Variants in SLC35A3 observed in about 807,000 individuals in gnomAD.
SLC35A3 encodes solute carrier family 35 member A3.
A neutral mutation model predicts 39.0 loss-of-function variants in SLC35A3; 26 were observed. That is an observed-to-expected ratio of 0.67 (90% CI 0.49 to 0.92). The LOEUF (loss-of-function observed/expected upper bound fraction) is 0.92, where lower values mean the gene tolerates loss of function less well. SLC35A3 is among the 40% of genes least tolerant of loss of function. The pLI is 0.00. For synonymous variants in SLC35A3, 135 were observed against 133.1 expected, an observed-to-expected ratio of 1.01 and a Z score of -0.10; for missense variants, 299 against 371.6, an observed-to-expected ratio of 0.80 and a Z score of 1.61.
chr1:100,019,866 C>T (rs528991028), intron 7 of SLC35A3, among the ~76,000 whole-genome samples: 84 of 152,300 alleles, frequency 5.5e-4, no homozygotes, highest in Middle Eastern at 3.4e-3. Flanking sequence ...CTGTTACCCA[C>T]TTCCCTAAAT....
chr1:99,998,592 T>C (rs1242336148), intron 2 of SLC35A3, among the ~76,000 whole-genome samples: 1 of 152,188 alleles, frequency 6.6e-6, no homozygotes, highest in East Asian at 1.9e-4. Context: ...TGCAACTTGC[T>C]TGGTGCAGGG....
chr1:99,974,519 G>A (rs1413888954), intron 1 of SLC35A3, among the ~76,000 whole-genome samples: 3 of 152,124 alleles, frequency 2.0e-5, no homozygotes, highest in Non-Finnish European at 4.4e-5. Context: ...TTGTAGAGAT[G>A]AAGTCTTATT....
chr1:99,979,966 C>G (rs1412906600), intron 1 of SLC35A3, among the ~76,000 whole-genome samples: 1 of 151,814 alleles, frequency 6.6e-6, no homozygotes, highest in Non-Finnish European at 1.5e-5. Context: ...ATCGCTTGAA[C>G]CCAGGAGGCA....
Position 100,011,369 on chromosome 1 carries a change from C to T in SLC35A3, c.470C>T (p.Pro157Leu), listed in dbSNP as rs890225731. The change falls in exon 5 of 8, where the codon CCC becomes CTC. Residue 157 changes from proline (P) to leucine (L), a missense_variant. Transcript: ENST00000533028. ...TTTATTTTTCTTCTTATTTAGTGGC[C>T]CTCAGATTCTCAGCTTGATTCTAAG... ...LMTGVAFVQW[P>L]SDSQLDSKEL... The T allele has an allele frequency of 8.1e-6, 12 of 1,482,886 alleles. No individual in the cohort carries two copies. The highest frequency in any genetic ancestry group is 2.8e-5 in the South Asian group (2 of 71,490). 91.9% of individuals were successfully genotyped at this position (1,482,886 alleles called of 1,614,324 possible).
Position 99,993,528 on chromosome 1 carries a change from G to T in SLC35A3, c.-18-9G>T. 6.2e-7 allele frequency: 1 copy of T among 1,609,236 alleles called. No homozygotes were observed. Among genetic ancestry groups the T allele is most frequent in the Non-Finnish European group, 8.5e-7 (1 of 1,177,242 alleles). ...CTTATTTATTTGCCCTGTTTATTTT[G>T]TTTTTCAGGCAAATGAAGATAAAAC... is the stretch of plus-strand genomic sequence containing the variant. On this transcript the variant is annotated splice_polypyrimidine_tract_variant and intron_variant, in intron 1 of 7. Coordinates refer to ENST00000533028, the MANE Select transcript of SLC35A3 (RefSeq NM_012243.3).
chr1:99,975,693 G>A (rs1045785999), intron 1 of SLC35A3, among the ~76,000 whole-genome samples: 8 of 152,168 alleles, frequency 5.3e-5, no homozygotes, highest in African/African-American at 1.7e-4. Flanking sequence ...TGTAGGTTGG[G>A]ACCAGATTAT....
chr1:99,971,738 G>C (rs1656825846), intron 1 of SLC35A3, among the ~76,000 whole-genome samples: 1 of 152,054 alleles, frequency 6.6e-6, no homozygotes, highest in South Asian at 2.1e-4. Context: ...GTCAGCCTTG[G>C]TGTTTGCTTT....
intron 1 of SLC35A3, among the ~76,000 whole-genome samples, chr1:99,989,716 T>G (rs1657963873): frequency 6.6e-6 from 1 of 152,236 alleles, no homozygotes; most frequent in Non-Finnish European, 1.5e-5. Flanking sequence ...TAATGTAGTT[T>G]GCCTTTCATA....
chr1:99,979,061 A>G (rs1657290928), intron 1 of SLC35A3: 1 of 152,258 alleles, frequency 6.6e-6, no homozygotes, highest in Non-Finnish European at 1.5e-5. Flanking sequence ...AAATAGATGT[A>G]GAATTGGAAA....
chr1:99,971,295 A>G (rs948496225), intron 1 of SLC35A3, among the ~76,000 whole-genome samples: 18 of 152,048 alleles, frequency 1.2e-4, no homozygotes, highest in Non-Finnish European at 2.5e-4. Context: ...TGGCTCCAGT[A>G]AAATCAATAT....
intron 3 of SLC35A3, among the ~76,000 whole-genome samples, chr1:100,001,221 A>G (rs1177842581): frequency 2.0e-5 from 3 of 151,868 alleles, no homozygotes; most frequent in Non-Finnish European, 2.9e-5. Context: ...GAATTTTAGG[A>G]TTGTTTTTTC....
At chr1:100,018,864 T>A (rs1263505403) in intron 7 of SLC35A3, among the ~76,000 whole-genome samples, 1 of 152,228 alleles carries the variant, frequency 6.6e-6, no homozygotes, top group African/African-American at 2.4e-5. Flanking sequence ...TTTTTTATAT[T>A]GAACATTGAC....
In SLC35A3 at chr1:99,998,247, T is replaced by A. The variant is rs938546361; in HGVS notation, c.188-1014T>A. 3.3e-5 allele frequency among the ~76,000 whole-genome samples: 5 copies of A among 151,820 alleles called. No individual in the cohort carries two copies. In the South Asian group the frequency reaches 1.0e-3, roughly 32 times the overall value. ...ATAGCTTGCTGCTACTTCAAACTCC[T>A]AGGCTCAGTTGATCCTCCTGCCTCA... On this transcript the variant is annotated intron_variant, in intron 2 of 7. Transcript: ENST00000533028.
At chr1:100,012,684 A>G (rs1003997349) in intron 5 of SLC35A3, among the ~76,000 whole-genome samples, 1 of 152,206 alleles carries the variant, frequency 6.6e-6, no homozygotes, top group African/African-American at 2.4e-5. Flanking sequence ...CAATTTGGGA[A>G]TATTTGCCAA....
rs999582848 is a variant in SLC35A3, at chr1:100,017,684, A to T, written c.756A>T (p.Ala252=). Residue 252 remains alanine (A), a splice_region_variant and synonymous_variant, in exon 7 of 8, where the codon GCA becomes GCT. Transcript: ENST00000533028. ...RLTWIVVVLQ[A]LGGLVIAAVI... is the part of the protein sequence containing the mutation. ...AAAATATTTTTTTAAAACTTCAGGC[A>T]CTTGGAGGCCTTGTAATAGCTGCTG... is the stretch of plus-strand genomic sequence containing the variant. 1.3e-6 allele frequency: 2 copies of T among 1,536,722 alleles called. No individual in the cohort carries two copies. The highest frequency in any genetic ancestry group is 2.8e-5 in the African/African-American group (2 of 71,050).
At chr1:100,014,563 C>T (rs1659925343) in intron 5 of SLC35A3, among the ~76,000 whole-genome samples, 2 of 152,118 alleles carry the variant, frequency 1.3e-5, no homozygotes, top group African/African-American at 4.8e-5. Context: ...CCCCCTGCCT[C>T]AGCTTTTATA....
At chr1:100,006,192 A>T (rs1234580871) in intron 3 of SLC35A3, among the ~76,000 whole-genome samples, 7 of 152,032 alleles carry the variant, frequency 4.6e-5, no homozygotes, top group Non-Finnish European at 1.0e-4. Context: ...TTTGCTGGGG[A>T]TGGGGATGCC....
At chr1:99,979,505 C>T (rs1387083510) in intron 1 of SLC35A3, among the ~76,000 whole-genome samples, 2 of 150,364 alleles carry the variant, frequency 1.3e-5, no homozygotes, top group Middle Eastern at 3.4e-3. Context: ...GTGATCTCGG[C>T]TCACTGCAAG....
rs1335669864 is a variant in SLC35A3 at position 100,025,148 on chromosome 1, T to C, written c.*2672T>C. The stretch of plus-strand genomic sequence containing the variant: ...TACTAAGTTCACCACATTTTGAACA[T>C]GGTAGTTTTAGACTGCAATAATATT... On this transcript the variant is annotated 3_prime_UTR_variant, in exon 8 of 8. Transcript: ENST00000533028. The C allele has an allele frequency of 6.5e-6, 1 of 153,908 alleles. No homozygotes were observed. Among genetic ancestry groups the C allele is most frequent in the Non-Finnish European group, 1.4e-5 (1 of 69,218 alleles). 9.5% of individuals were successfully genotyped at this position (153,908 alleles called of 1,614,324 possible). A position where few individuals can be genotyped will look rare whatever the true frequency, so the allele number is the denominator to read the frequency against.
Sources: gnomAD v4.1 joint callset for allele counts (sites outside exome capture counted in the v4.1 genomes callset) on GRCh38, gnomAD v4.1.1 for gene constraint, MANE v1.5 for transcripts, NCBI Gene and HGNC (gene_info 2026-07-23, HGNC 2026-07-21) for gene names.